MMP16: variants seen among roughly 807,000 people sequenced by gnomAD.
MMP16 encodes matrix metallopeptidase 16.
MMP16 carries 12 observed loss-of-function variants against 67.8 expected under a neutral mutation model. That is an observed-to-expected ratio of 0.18 (90% CI 0.11 to 0.29). MMP16 has a LOEUF of 0.29. Ranked by LOEUF, MMP16 falls within the 10% of genes least tolerant of loss-of-function variation. The pLI, the probability that MMP16 is intolerant of heterozygous loss-of-function variation, is 1.00. For missense variants in MMP16, 475 were observed against 765.7 expected (o/e 0.62, Z 4.48); for synonymous variants, 249 against 255.9 (o/e 0.97, Z 0.26).
Position 88,197,337 on chromosome 8 carries a change from C to A in MMP16, c.133-31G>T, listed in dbSNP as rs372767328. The stretch of plus-strand genomic sequence containing the variant: ...ATAACAAGTACAGTTTCTTTTAGAT[C>A]AATTTTACAATTTAACAATAATTTT... On this transcript the variant is annotated intron_variant, in intron 1 of 9. Coordinates refer to ENST00000286614, the MANE Select transcript of MMP16 (RefSeq NM_005941.5). 4 of 1,499,080 alleles carry A rather than the reference C, an allele frequency of 2.7e-6. No individual in the cohort carries two copies. The South Asian group carries it at 4.1e-5, about 15-fold the overall frequency. The allele number at this position is 1,499,080 out of a possible 1,614,324, so 92.9% of individuals were successfully genotyped here.
intron 1 of MMP16, among the ~76,000 whole-genome samples, chr8:88,314,561 C>A (rs1811348422): frequency 6.6e-6 from 1 of 152,108 alleles, no homozygotes; most frequent in Non-Finnish European, 1.5e-5. Flanking sequence ...TGTTGTTAAG[C>A]TGAATGAAAG....
At chr8:88,290,791 T>C (rs779958385) in intron 1 of MMP16, among the ~76,000 whole-genome samples, 5 of 152,102 alleles carry the variant, frequency 3.3e-5, no homozygotes, top group Non-Finnish European at 7.4e-5. Context: ...CACCAAATCA[T>C]GACACCTTAC....
In MMP16 at chr8:88,327,168, A is replaced by G. The variant is rs1811553400; in HGVS notation, c.39T>C (p.Asp13=). The G allele has an allele frequency of 6.2e-7, 1 of 1,613,976 alleles. No homozygotes were observed. The highest frequency in any genetic ancestry group is 1.3e-5 in the African/African-American group (1 of 74,894). ...AAAACACCCCCGAATGATGCACGAA[A>G]TCCAACCGTCTTCCAGTGCTGAATG... ...LLTFSTGRRL[D]FVHHSGVFFL... Residue 13 remains aspartate (D), a synonymous_variant, in exon 1 of 10, where the codon GAT becomes GAC. Transcript: ENST00000286614.
chr8:88,214,879 A>AT (rs1481929082), intron 1 of MMP16, among the ~76,000 whole-genome samples: 1 of 152,194 alleles, frequency 6.6e-6, no homozygotes, highest in Non-Finnish European at 1.5e-5. Flanking sequence ...GATAATCTTT[A>AT]TAGAGCCTTC....
chr8:88,047,824 C>A (rs942388335), intron 8 of MMP16, among the ~76,000 whole-genome samples: 1 of 152,160 alleles, frequency 6.6e-6, no homozygotes. Flanking sequence ...AATACACTGG[C>A]TGCTATGAGT....
intron 1 of MMP16, among the ~76,000 whole-genome samples, chr8:88,315,299 C>T (rs994358459): frequency 5.9e-5 from 9 of 152,126 alleles, no homozygotes; most frequent in Non-Finnish European, 8.8e-5. Context: ...ATATTTCAAG[C>T]TTTTTCATTA....
chr8:88,079,060 A>G (rs1268280775), intron 6 of MMP16, among the ~76,000 whole-genome samples: 1 of 151,640 alleles, frequency 6.6e-6, no homozygotes, highest in Non-Finnish European at 1.5e-5. Context: ...TCAAACCTGG[A>G]CTCCTGCCTC....
chr8:88,043,268 T>G (rs1228799515), intron 9 of MMP16, among the ~76,000 whole-genome samples: 1 of 152,146 alleles, frequency 6.6e-6, no homozygotes, highest in African/African-American at 2.4e-5. Context: ...TTTTTAAGAC[T>G]GGGTCCTTTA....
chr8:88,231,487 G>A (rs928896894), intron 1 of MMP16, among the ~76,000 whole-genome samples: 9 of 152,128 alleles, frequency 5.9e-5, no homozygotes, highest in East Asian at 3.9e-4. Flanking sequence ...AGGTGCTGAC[G>A]AGGACCTATC....
At chr8:88,202,275 A>T (rs1809355463) in intron 1 of MMP16, among the ~76,000 whole-genome samples, 1 of 152,198 alleles carries the variant, frequency 6.6e-6, no homozygotes, top group Non-Finnish European at 1.5e-5. Context: ...GAAGAGAAGA[A>T]AACAGCTGAG....
chr8:88,192,053 C>A (rs1809177005), intron 2 of MMP16, among the ~76,000 whole-genome samples: 1 of 152,200 alleles, frequency 6.6e-6, no homozygotes, highest in South Asian at 2.1e-4. Context: ...CATACTTTCA[C>A]AAGTTTTAGT....
intron 9 of MMP16, among the ~76,000 whole-genome samples, chr8:88,043,426 G>A (rs1402695185): frequency 6.6e-6 from 1 of 152,132 alleles, no homozygotes; most frequent in Non-Finnish European, 1.5e-5. Context: ...TGGGATTACA[G>A]GCATATGCCA....
chr8:88,051,040 A>G lies in MMP16; in HGVS notation c.1374-4256T>C, dbSNP rs555440580. Reference sequence around the variant, plus strand: ...AACAATAATTTAGGATCATTTTACAATTTTAGAAAAACTCAACATAGGCTC... The same window carrying G: ...AACAATAATTTAGGATCATTTTACAGTTTTAGAAAAACTCAACATAGGCTC... On this transcript the variant is annotated intron_variant, in intron 8 of 9. Transcript: ENST00000286614. 2.1e-4 allele frequency among the ~76,000 whole-genome samples: 32 copies of G among 152,328 alleles called. No individual in the cohort carries two copies. In the South Asian group the frequency reaches 6.2e-3, roughly 30 times the overall value.
At chr8:88,285,020 C>A (rs1810804998) in intron 1 of MMP16, among the ~76,000 whole-genome samples, 1 of 152,096 alleles carries the variant, frequency 6.6e-6, no homozygotes. Flanking sequence ...TGGTTTATTT[C>A]CCCCATAACA....
At chr8:88,053,252 G>T (rs1808291876) in intron 8 of MMP16, among the ~76,000 whole-genome samples, 1 of 152,150 alleles carries the variant, frequency 6.6e-6, no homozygotes, top group Non-Finnish European at 1.5e-5. Context: ...TTGGTAGGAA[G>T]TGAACAACAT....
intron 5 of MMP16, among the ~76,000 whole-genome samples, chr8:88,117,971 A>G (rs1809464981): frequency 6.6e-6 from 1 of 152,074 alleles, no homozygotes; most frequent in African/African-American, 2.4e-5. Context: ...TGTGTGAAAT[A>G]AATGTCTTTA....
Position 88,051,244 on chromosome 8 carries a change from C to G in MMP16, c.1374-4460G>C, listed in dbSNP as rs569714354. On this transcript the variant is annotated intron_variant, in intron 8 of 9. Coordinates refer to ENST00000286614, the MANE Select transcript of MMP16 (RefSeq NM_005941.5). ...CTTATGTCAACATGAACAAAAAAAT[C>G]TCATCCCACTGAGTTCTTCCCCCTG... Among the ~76,000 whole-genome samples the G allele has an allele frequency of 5.9e-5, 9 of 152,226 alleles. No homozygotes were observed. The South Asian group carries it at 1.9e-3, about 32-fold the overall frequency.
intron 5 of MMP16, 122 bp downstream of exon 5, chr8:88,118,578 G>A: frequency 1.1e-6 from 1 of 909,992 alleles, no homozygotes; most frequent in Non-Finnish European, 1.7e-6. Flanking sequence ...CAGTAGGCCA[G>A]CTACATACTT....
At chr8:88,215,951 A>C (rs1266691724) in intron 1 of MMP16, among the ~76,000 whole-genome samples, 1 of 152,130 alleles carries the variant, frequency 6.6e-6, no homozygotes. Context: ...CTTTAGAAAA[A>C]CCATCAGATA....
Sources: allele counts gnomAD v4.1 joint callset (sites outside exome capture counted in the v4.1 genomes callset), GRCh38; gene constraint gnomAD v4.1.1; transcripts MANE v1.5; gene names NCBI Gene and HGNC (gene_info 2026-07-23, HGNC 2026-07-21).